The following DPH6 variants were observed in gnomAD, a reference collection of about 807,000 sequenced individuals.
The protein encoded by DPH6 is diphthine--ammonia ligase.
Under a neutral mutation model 38.2 loss-of-function variants are expected in DPH6, and 33 were observed. That is an observed-to-expected ratio of 0.86 (90% CI 0.65 to 1.15). DPH6 has a LOEUF of 1.15. DPH6 is among the 50% of genes most tolerant of loss of function. The pLI is 0.00. For synonymous variants in DPH6, 108 were observed against 103.0 expected (o/e 1.05, Z -0.30); for missense variants, 325 against 320.0 (o/e 1.02, Z -0.12).
At chr15:35,401,620 AT>A in intron 6 of DPH6, 1 of 759,426 alleles carries the variant, frequency 1.3e-6, no homozygotes. Context: ...TCATCTTCGA[AT>A]TTTGGAACCA....
At chr15:35,534,423 A>G (rs1456621029) in intron 3 of DPH6, among the ~76,000 whole-genome samples, 1 of 151,828 alleles carries the variant, frequency 6.6e-6, no homozygotes, top group Non-Finnish European at 1.5e-5. Context: ...ATTTCAGGAA[A>G]CGAAAGACAA....
chr15:35,222,423 C>T (rs1232270387), intron 3 of DPH6, among the ~76,000 whole-genome samples: 1 of 152,080 alleles, frequency 6.6e-6, no homozygotes, highest in Non-Finnish European at 1.5e-5. Context: ...GACATGTGCC[C>T]AAACAAGATG....
intron 2 of DPH6, 70 bp downstream of exon 2, chr15:35,542,343 C>T: frequency 1.5e-6 from 2 of 1,294,134 alleles, no homozygotes; most frequent in Middle Eastern, 1.9e-4. Context: ...TACGGTATAC[C>T]TGTACAATGT....
chr15:35,337,219 C>T (rs1595485951), intron 3 of DPH6, among the ~76,000 whole-genome samples: 1 of 152,178 alleles, frequency 6.6e-6, no homozygotes, highest in East Asian at 1.9e-4. Flanking sequence ...TTTCGATTTT[C>T]TAGTTTATTT....
the DPH6 span, among the ~76,000 whole-genome samples, chr15:35,181,457 T>C: frequency 1.7e-5 from 2 of 116,828 alleles, no homozygotes; most frequent in Non-Finnish European, 3.8e-5. Flanking sequence ...TTGTCAGTTA[T>C]AAAAAAAAAC....
chr15:35,483,672 C>T (rs1329767229), intron 3 of DPH6, among the ~76,000 whole-genome samples: 3 of 152,050 alleles, frequency 2.0e-5, no homozygotes, highest in African/African-American at 7.2e-5. Flanking sequence ...AACATACAAC[C>T]CAGCAACTTC....
chr15:35,542,637 C>A (rs2055270396), intron 1 of DPH6, 130 bp from the exon 2 acceptor site: 3 of 857,936 alleles, frequency 3.5e-6, no homozygotes, highest in Non-Finnish European at 1.7e-6. Flanking sequence ...CAAAAAAAAC[C>A]CATTAATTTC....
chr15:35,365,657 T>A (rs965009204), intron 3 of DPH6, among the ~76,000 whole-genome samples: 1 of 152,080 alleles, frequency 6.6e-6, no homozygotes, highest in African/African-American at 2.4e-5. Flanking sequence ...TTACATAGAT[T>A]TAGGCTTCAA....
chr15:35,155,043 T>C, the DPH6 span, among the ~76,000 whole-genome samples: 44 of 152,332 alleles, frequency 2.9e-4, no homozygotes, highest in African/African-American at 1.0e-3. Context: ...CCTTCCACAT[T>C]TGAAGGTAGG....
At position 35,401,123 on chromosome 15, in the gene DPH6, T is replaced by C. The variant is rs999509860; in HGVS notation, c.567+9712A>G. On this transcript the variant is annotated intron_variant, in intron 6 of 8. Transcript: ENST00000256538. ...TTTGTAACCTTTGATGACCATGACTTTGTGGATAAGACTGTCATTCAGAAA... is the reference window on the plus strand; with the variant it reads ...TTTGTAACCTTTGATGACCATGACTCTGTGGATAAGACTGTCATTCAGAAA... The C allele has an allele frequency of 3.1e-5, 29 of 934,004 alleles. No individual in the cohort carries two copies. In the Admixed American group the frequency reaches 4.9e-4, roughly 16 times the overall value. 57.9% of individuals were successfully genotyped at this position (934,004 alleles called of 1,614,324 possible). A position where few individuals can be genotyped will look rare whatever the true frequency, so the allele number is the denominator to read the frequency against.
At chr15:35,374,502 G>A (rs2052754813) in intron 7 of DPH6, among the ~76,000 whole-genome samples, 2 of 151,850 alleles carry the variant, frequency 1.3e-5, no homozygotes, top group African/African-American at 4.8e-5. Flanking sequence ...GGCAATAGAA[G>A]AAATCTCAAA....
downstream of DPH6, among the ~76,000 whole-genome samples, chr15:35,213,074 G>T (rs1467101826): frequency 6.6e-6 from 1 of 152,196 alleles, no homozygotes; most frequent in African/African-American, 2.4e-5. Flanking sequence ...ATTTGGGAAA[G>T]AATTAAAGTT....
the DPH6 span, among the ~76,000 whole-genome samples, chr15:35,170,193 C>T: frequency 6.6e-6 from 1 of 152,178 alleles, no homozygotes; most frequent in African/African-American, 2.4e-5. Flanking sequence ...AGAGTGAGAA[C>T]TTCCCACTGC....
chr15:35,393,232 G>A (rs1566893399), intron 6 of DPH6, among the ~76,000 whole-genome samples: 1 of 152,172 alleles, frequency 6.6e-6, no homozygotes, highest in East Asian at 1.9e-4. Context: ...AAGTAGCAAT[G>A]GGGATGGAGA....
At chr15:35,274,609 GACATTTATGCAGCCAACAAACAT>G (rs2051845354) in intron 3 of DPH6, among the ~76,000 whole-genome samples, 1 of 151,344 alleles carries the variant, frequency 6.6e-6, no homozygotes, top group African/African-American at 2.4e-5. Flanking sequence ...CTCAAAAGAA[GACATTTATGCAGCCAACAAACAT>G]ATGAAAGAAA....
intron 3 of DPH6, among the ~76,000 whole-genome samples, chr15:35,509,105 A>G (rs2054733770): frequency 6.6e-6 from 1 of 152,184 alleles, no homozygotes; most frequent in African/African-American, 2.4e-5. Flanking sequence ...TGCCTATTAT[A>G]TCAAATTCAC....
At chr15:35,269,752 G>T (rs1251661115) in intron 3 of DPH6, among the ~76,000 whole-genome samples, 2 of 138,984 alleles carry the variant, frequency 1.4e-5, no homozygotes, top group Non-Finnish European at 3.1e-5. Flanking sequence ...TTCATTTTAT[G>T]TATTCTTTAT....
chr15:35,434,611 T>C (rs2053673205), intron 5 of DPH6, among the ~76,000 whole-genome samples: 4 of 151,754 alleles, frequency 2.6e-5, no homozygotes, highest in African/African-American at 4.8e-5. Flanking sequence ...CACACACACA[T>C]AGAAAAGTGA....
chr15:35,397,229 T>C (rs1323593434), intron 6 of DPH6, among the ~76,000 whole-genome samples: 1 of 152,234 alleles, frequency 6.6e-6, no homozygotes, highest in Non-Finnish European at 1.5e-5. Context: ...GTCAATACAT[T>C]TCTGTTTACC....
Sources: gnomAD v4.1 joint callset for allele counts (sites outside exome capture counted in the v4.1 genomes callset) on GRCh38, gnomAD v4.1.1 for gene constraint, MANE v1.5 for transcripts, NCBI Gene and HGNC (gene_info 2026-07-23, HGNC 2026-07-21) for gene names.